C16orf74: variants seen among roughly 807,000 people sequenced by gnomAD.
The protein encoded by C16orf74 is uncharacterized protein C16orf74.
Under a neutral mutation model 6.5 loss-of-function variants are expected in C16orf74, and 10 were observed. That is an observed-to-expected ratio of 1.54 (90% confidence interval 0.95 to 2.61). The LOEUF is 2.61. C16orf74 is among the 30% of genes most tolerant of loss of function. The probability of loss-of-function intolerance (pLI) is 0.00; values close to 1 mark genes in which losing one functional copy is unlikely to be tolerated. For missense variants in C16orf74, 141 were observed against 105.9 expected (o/e 1.33, Z -1.45); for synonymous variants, 60 against 42.5 (o/e 1.41, Z -1.60).
Position 85,708,080 on chromosome 16 carries a change from G to A in C16orf74, c.173-14C>T, listed in dbSNP as rs1249820988. On this transcript the variant is annotated splice_polypyrimidine_tract_variant and intron_variant, in intron 3 of 3. Coordinates refer to ENST00000284245, the MANE Select transcript of C16orf74 (RefSeq NM_206967.3). ...CATCCAGCCAGACTAGGAGAAAGAG[G>A]GGATGGACACCTGGATGCACCCTGC... 6.4e-7 allele frequency: 1 copy of A among 1,551,656 alleles called. No individual in the cohort carries two copies. The highest frequency in any genetic ancestry group is 8.7e-7 in the Non-Finnish European group (1 of 1,146,502).
intron 2 of C16orf74, among the ~76,000 whole-genome samples, chr16:85,711,341 G>A (rs1323080830): frequency 7.4e-5 from 11 of 148,864 alleles, no homozygotes; most frequent in African/African-American, 2.0e-4. Context: ...AAGGCTGGGC[G>A]TGGTGGCTCA....
At chr16:85,723,025 G>A (rs2054097929) in intron 2 of C16orf74, among the ~76,000 whole-genome samples, 1 of 152,178 alleles carries the variant, frequency 6.6e-6, no homozygotes, top group African/African-American at 2.4e-5. Context: ...TTGGGAGGCT[G>A]AGGCAAGTAG....
At chr16:85,742,991 G>A (rs1268436197) in intron 1 of C16orf74, among the ~76,000 whole-genome samples, 3 of 152,050 alleles carry the variant, frequency 2.0e-5, no homozygotes, top group South Asian at 2.1e-4. Context: ...CCTCATCATC[G>A]TCATCAGTGT....
At position 85,748,182 on chromosome 16, in the gene C16orf74, A is replaced by G. The variant is rs578253649; in HGVS notation, c.-19+2744T>C. Among the ~76,000 whole-genome samples the G allele has an allele frequency of 7.4e-5, 5 of 67,988 alleles. 1 individual carries two copies. In the South Asian group the frequency reaches 1.4e-3, roughly 18 times the overall value. The allele number at this position is 67,988 out of a possible 152,430, so 44.6% of individuals were successfully genotyped here. A position where few individuals can be genotyped will look rare whatever the true frequency, so the allele number is the denominator to read the frequency against. ...TATGTGTATATATATATATATACACATACATACATTGGTTTCATCTGGAAA... is the reference window on the plus strand; with the variant it reads ...TATGTGTATATATATATATATACACGTACATACATTGGTTTCATCTGGAAA... On this transcript the variant is annotated intron_variant, in intron 1 of 3. Transcript: ENST00000284245.
chr16:85,719,032 G>C (rs550511407), intron 2 of C16orf74, among the ~76,000 whole-genome samples: 1 of 152,254 alleles, frequency 6.6e-6, no homozygotes, highest in Non-Finnish European at 1.5e-5. Flanking sequence ...GGCTTGGGAA[G>C]GAGGACATCC....
intron 2 of C16orf74, among the ~76,000 whole-genome samples, chr16:85,714,480 C>T (rs913570823): frequency 6.6e-5 from 10 of 151,740 alleles, no homozygotes; most frequent in South Asian, 2.1e-4. Context: ...AATGCAGTAG[C>T]GTGATCTCGA....
At chr16:85,722,245 C>G (rs760708404) in intron 2 of C16orf74, among the ~76,000 whole-genome samples, 1 of 152,088 alleles carries the variant, frequency 6.6e-6, no homozygotes, top group Non-Finnish European at 1.5e-5. Flanking sequence ...AGGAAGGTGT[C>G]GAATGGCAGG....
At chr16:85,735,079 G>T (rs1257700556) in intron 2 of C16orf74, 111 bp downstream of exon 2, 4 of 857,940 alleles carry the variant, frequency 4.7e-6, no homozygotes, top group Non-Finnish European at 7.1e-6. Flanking sequence ...TTAAGGGATG[G>T]TGCCCTGCTC....
In C16orf74 at chr16:85,731,748, T is replaced by C. The variant is rs2054190373; in HGVS notation, c.28+3442A>G. ...TGTCACCCAGGCTGGAGTGCAGTGG[T>C]GTGATCACAGCTCACTGCAGCCTTG... On this transcript the variant is annotated intron_variant, in intron 2 of 3. Coordinates refer to ENST00000284245, the MANE Select transcript of C16orf74 (RefSeq NM_206967.3). 1.3e-5 allele frequency among the ~76,000 whole-genome samples: 2 copies of C among 151,924 alleles called. 1 individual carries two copies. The highest frequency in any genetic ancestry group is 4.1e-4 in the South Asian group (2 of 4,820).
chr16:85,749,328 C>T (rs140281332), intron 1 of C16orf74, among the ~76,000 whole-genome samples: 5,944 of 152,146 alleles, frequency 0.039, 389 homozygotes, highest in African/African-American at 0.13. Flanking sequence ...CTCTGTTGCC[C>T]AGGCTGGAAT....
At chr16:85,720,234 G>A (rs2054069033) in intron 2 of C16orf74, among the ~76,000 whole-genome samples, 1 of 152,162 alleles carries the variant, frequency 6.6e-6, no homozygotes. Flanking sequence ...TGAGCTGCTG[G>A]AGAGAGACAA....
intron 1 of C16orf74, among the ~76,000 whole-genome samples, chr16:85,735,684 C>CTT (rs66521638): frequency 4.7e-5 from 7 of 147,932 alleles, no homozygotes; most frequent in East Asian, 4.0e-4. Flanking sequence ...CGTTCTAATG[C>CTT]TTTTTTTTTT....
chr16:85,738,072 T>G (rs2054263877), intron 1 of C16orf74, among the ~76,000 whole-genome samples: 2 of 151,104 alleles, frequency 1.3e-5, no homozygotes, highest in African/African-American at 4.9e-5. Flanking sequence ...TTGGACACCC[T>G]GGCTATAAAA....
intron 1 of C16orf74, among the ~76,000 whole-genome samples, chr16:85,743,027 A>AC (rs2054327381): frequency 6.6e-6 from 1 of 152,002 alleles, no homozygotes. Flanking sequence ...CCACCAGGGC[A>AC]CCCCCACTAC....
chr16:85,748,284 C>G (rs59978072), intron 1 of C16orf74, among the ~76,000 whole-genome samples: 5 of 151,802 alleles, frequency 3.3e-5, no homozygotes, highest in Non-Finnish European at 7.4e-5. Context: ...CAAAAATTTT[C>G]TGATTGGCAA....
At chr16:85,732,242 G>C (rs995825502) in intron 2 of C16orf74, among the ~76,000 whole-genome samples, 2 of 152,208 alleles carry the variant, frequency 1.3e-5, no homozygotes, top group African/African-American at 4.8e-5. Context: ...CACACCTCTG[G>C]CCTCCAGAAC....
chr16:85,711,334 G>A (rs775602954), intron 2 of C16orf74, among the ~76,000 whole-genome samples: 2 of 145,520 alleles, frequency 1.4e-5, no homozygotes, highest in African/African-American at 5.1e-5. Flanking sequence ...AAAAAAAAAG[G>A]CTGGGCGTGG....
At chr16:85,710,051 G>C (rs1387450792) in intron 3 of C16orf74, 113 bp downstream of exon 3, 7 of 880,696 alleles carry the variant, frequency 7.9e-6, no homozygotes, top group Middle Eastern at 3.5e-4. Flanking sequence ...AACGAACCCA[G>C]TGGGAGGTGG....
chr16:85,708,145 G>A lies in C16orf74; in HGVS notation c.173-79C>T, dbSNP rs1050640807. The A allele has an allele frequency of 9.7e-6, 12 of 1,241,874 alleles. No individual in the cohort carries two copies. In the African/African-American group the frequency reaches 1.5e-4, roughly 16 times the overall value. 76.9% of individuals were successfully genotyped at this position (1,241,874 alleles called of 1,614,324 possible). On this transcript the variant is annotated intron_variant, in intron 3 of 3. Coordinates refer to ENST00000284245, the MANE Select transcript of C16orf74 (RefSeq NM_206967.3). Reference sequence around the variant, plus strand: ...GCCCCGTTTCCCTGGGAACTGCAGGGCTGGGGCCTCTGGGATTCCTTGCTT... The same window carrying A: ...GCCCCGTTTCCCTGGGAACTGCAGGACTGGGGCCTCTGGGATTCCTTGCTT...
Sources: gnomAD v4.1 joint callset for allele counts (sites outside exome capture counted in the v4.1 genomes callset) on GRCh38, gnomAD v4.1.1 for gene constraint, MANE v1.5 for transcripts, NCBI Gene and HGNC (gene_info 2026-07-23, HGNC 2026-07-21) for gene names.